The following PACSIN1 variants were observed in gnomAD, a reference collection of about 807,000 sequenced individuals.
PACSIN1 encodes protein kinase C and casein kinase substrate in neurons protein 1.
In PACSIN1, 15 loss-of-function variants were observed where a neutral mutation model predicts 59.5. The ratio of observed to expected loss-of-function variants is 0.25; its 90% confidence interval spans 0.17 to 0.39. The LOEUF (loss-of-function observed/expected upper bound fraction) is 0.39. Among genes scored for constraint, PACSIN1 ranks in the 10% least tolerant of loss-of-function variants. The pLI is 1.00. For synonymous variants in PACSIN1, 210 were observed against 220.6 expected (o/e 0.95, Z 0.42); for missense variants, 420 against 580.2 (o/e 0.72, Z 2.84).
rs755234240 is a variant in PACSIN1 at position 34,514,786 on chromosome 6, G to C, written c.-63-11457G>C. On this transcript the variant is annotated intron_variant, in intron 1 of 9. Transcript: ENST00000244458. The surrounding 1 kb of genome is among the most constrained non-coding windows in gnomAD (Gnocchi z 4.4). ...CATTGCCCAGTTGCCATAGAAACGA[G>C]CAGAAGGAGGTGGGTGGCTGGAGAA... The C allele has an allele frequency of 6.6e-6, 1 of 152,598 alleles. No homozygotes were observed. Among genetic ancestry groups the C allele is most frequent in the Non-Finnish European group, 1.5e-5 (1 of 68,182 alleles). The allele number at this position is 152,598 out of a possible 1,614,324, so 9.5% of individuals were successfully genotyped here.
intron 1 of PACSIN1, among the ~76,000 whole-genome samples, chr6:34,497,410 C>G (rs1766963696): frequency 6.6e-6 from 1 of 152,310 alleles, no homozygotes; most frequent in African/African-American, 2.4e-5. Flanking sequence ...GTGCTGCTAT[C>G]ATCCGCGGTT....
chr6:34,532,795 C>T lies in PACSIN1; in HGVS notation c.*265C>T. 1 of 399,940 alleles carries T rather than the reference C, an allele frequency of 2.5e-6. No individual in the cohort carries two copies. The highest frequency in any genetic ancestry group is 4.9e-5 in the East Asian group (1 of 20,520). 24.8% of individuals were successfully genotyped at this position (399,940 alleles called of 1,614,324 possible). A position where few individuals can be genotyped will look rare whatever the true frequency, so the allele number is the denominator to read the frequency against. On this transcript the variant is annotated 3_prime_UTR_variant, in exon 10 of 10. Transcript: ENST00000244458. The surrounding 1 kb of genome is among the most constrained non-coding windows in gnomAD (Gnocchi z 5.2). ...GCCCAACATCACAACATCTGCTCTT[C>T]GGGTTCCACCAAAGAGTCTCCTGAG...
At chr6:34,492,509 G>A (rs969913486) in intron 1 of PACSIN1, among the ~76,000 whole-genome samples, 3 of 151,946 alleles carry the variant, frequency 2.0e-5, no homozygotes, top group African/African-American at 2.4e-5. Context: ...TCAGCCTCCC[G>A]AGTAGCTGGG....
At chr6:34,528,915 G>GCCCGGGGGGGGGGGGGGGGGGC (rs2127274708) in intron 4 of PACSIN1, 38 bp downstream of exon 4, 67 of 653,112 alleles carry the variant, frequency 1.0e-4, no homozygotes, top group East Asian at 4.8e-4. Context: ...GGTGGGGTGG[G>GCCCGGGGGGGGGGGGGGGGGGC]CCCGTCTGAT....
rs370697380 is a variant in PACSIN1 at position 34,488,984 on chromosome 6, C to A, written c.-64+22714C>A. On this transcript the variant is annotated intron_variant, in intron 1 of 9. Transcript: ENST00000244458. The surrounding 1 kb of genome is among the most constrained non-coding windows in gnomAD (Gnocchi z 4.7). ...TCACTTGAGCCCAGAAGTTCGAGAC[C>A]AGCCTGGGCAACATGGTGAAACCCT... Among the ~76,000 whole-genome samples the A allele has an allele frequency of 2.0e-5, 3 of 152,020 alleles. No individual in the cohort carries two copies. The highest frequency in any genetic ancestry group is 3.9e-4 in the East Asian group (2 of 5,144).
At chr6:34,472,204 G>T (rs755989776) in intron 1 of PACSIN1, among the ~76,000 whole-genome samples, 1 of 148,310 alleles carries the variant, frequency 6.7e-6, no homozygotes, top group Non-Finnish European at 1.5e-5. Context: ...CCCAGGAGGC[G>T]GAGGTTGAAG....
chr6:34,497,490 T>A (rs1287863791), intron 1 of PACSIN1, among the ~76,000 whole-genome samples: 2 of 152,110 alleles, frequency 1.3e-5, no homozygotes, highest in African/African-American at 4.8e-5. Flanking sequence ...CTGCAACAAT[T>A]GGGAAGCTTC....
intron 1 of PACSIN1, among the ~76,000 whole-genome samples, chr6:34,490,972 CT>C (rs1766867909): frequency 6.6e-6 from 1 of 152,176 alleles, no homozygotes; most frequent in African/African-American, 2.4e-5. Context: ...GGGCCAGCCC[CT>C]GATCCTCTGC....
chr6:34,528,847 C>T lies in PACSIN1; in HGVS notation c.426C>T (p.Ala142=), dbSNP rs1266456695. The T allele has an allele frequency of 1.2e-6, 2 of 1,612,098 alleles. No homozygotes were observed. Among genetic ancestry groups the T allele is most frequent in the Non-Finnish European group, 1.7e-6 (2 of 1,179,660 alleles). The part of the protein sequence containing the change: ...TKEAEDGFRK[A]QKPWAKKMKE... ...AGGCTGAAGATGGCTTCCGCAAGGC[C>T]CAGAAGCCTTGGGCCAAGAAGATGA... is the stretch of plus-strand genomic sequence containing the variant. The change falls in exon 4 of 10, where the codon GCC becomes GCT. Residue 142 remains alanine, a synonymous_variant. Coordinates refer to ENST00000244458, the MANE Select transcript of PACSIN1 (RefSeq NM_020804.5).
At chr6:34,497,561 A>G (rs761791078) in intron 1 of PACSIN1, among the ~76,000 whole-genome samples, 1 of 152,122 alleles carries the variant, frequency 6.6e-6, no homozygotes, top group South Asian at 2.1e-4. Context: ...ATCCCCTCCA[A>G]GGGTGTGCGT....
In PACSIN1 at chr6:34,519,525, T is replaced by C. The variant is rs141895778; in HGVS notation, c.-63-6718T>C. On this transcript the variant is annotated intron_variant, in intron 1 of 9. Coordinates refer to ENST00000244458, the MANE Select transcript of PACSIN1 (RefSeq NM_020804.5). Reference sequence around the variant, plus strand: ...GAAGGTCCCAGGTGAGGCCCAACAGTCCTGGAAGGGCTCTGGGGGTATTAG... The same window carrying C: ...GAAGGTCCCAGGTGAGGCCCAACAGCCCTGGAAGGGCTCTGGGGGTATTAG... Among the ~76,000 whole-genome samples, 630 of 152,078 alleles carry C rather than the reference T, an allele frequency of 4.1e-3. 2 individuals carry two copies. The highest frequency in any genetic ancestry group is 7.1e-3 in the Non-Finnish European group (481 of 67,958).
chr6:34,527,550 T>C, intron 3 of PACSIN1, 62 bp downstream of exon 3: 4 of 1,437,540 alleles, frequency 2.8e-6, no homozygotes, highest in Non-Finnish European at 3.7e-6. Flanking sequence ...TAGGTCTGGG[T>C]CCTAGGAGCC....
rs1008974196 is a variant in PACSIN1 at position 34,489,461 on chromosome 6, C to T, written c.-64+23191C>T. Among the ~76,000 whole-genome samples, 42 of 152,194 alleles carry T rather than the reference C, an allele frequency of 2.8e-4. No individual in the cohort carries two copies. In the Middle Eastern group the frequency reaches 0.014, roughly 49 times the overall value. On this transcript the variant is annotated intron_variant, in intron 1 of 9. Coordinates refer to ENST00000244458, the MANE Select transcript of PACSIN1 (RefSeq NM_020804.5). ...GGGTGGTGCGGTGTATGGTGAGACC[C>T]GCAGGCCTCCACGTCGAAAACCCAC... is the stretch of plus-strand genomic sequence containing the variant.
At chr6:34,508,134 G>T (rs150362769) in intron 1 of PACSIN1, among the ~76,000 whole-genome samples, 1 of 152,074 alleles carries the variant, frequency 6.6e-6, no homozygotes, top group Non-Finnish European at 1.5e-5. Context: ...ACGGAGTTTC[G>T]CTCTTGTTGC....
intron 1 of PACSIN1, among the ~76,000 whole-genome samples, chr6:34,467,553 C>CTTTTTTT (rs61324041): frequency 1.8e-4 from 16 of 90,804 alleles, no homozygotes; most frequent in Admixed American, 4.4e-4. Context: ...TAGGCCCTTC[C>CTTTTTTT]TTTTTTTTTT....
chr6:34,531,494 T>C lies in PACSIN1; in HGVS notation c.1038-106T>C. 8.4e-7 allele frequency: 1 copy of C among 1,190,316 alleles called. No homozygotes were observed. The highest frequency in any genetic ancestry group is 1.2e-6 in the Non-Finnish European group (1 of 824,264). 73.7% of individuals were successfully genotyped at this position (1,190,316 alleles called of 1,614,324 possible). A position where few individuals can be genotyped will look rare whatever the true frequency, so the allele number is the denominator to read the frequency against. Reference sequence around the variant, plus strand: ...CCTCCTATGTGGCCAATCCTTGCTCTAGCCTTGGTAGAATTCGGGATCAGG... The same window carrying C: ...CCTCCTATGTGGCCAATCCTTGCTCCAGCCTTGGTAGAATTCGGGATCAGG... On this transcript the variant is annotated intron_variant, in intron 8 of 9. Transcript: ENST00000244458. The surrounding 1 kb of genome is among the most constrained non-coding windows in gnomAD (Gnocchi z 4.4).
chr6:34,515,855 C>T lies in PACSIN1; in HGVS notation c.-63-10388C>T, dbSNP rs1469559993. The stretch of plus-strand genomic sequence containing the variant: ...CGCTGCTGCTGGGGGAGCTCTTGGG[C>T]ACTGCCACTGCGGAGGAGCCTCTGC... On this transcript the variant is annotated intron_variant, in intron 1 of 9. Coordinates refer to ENST00000244458, the MANE Select transcript of PACSIN1 (RefSeq NM_020804.5). The surrounding 1 kb of genome is among the most constrained non-coding windows in gnomAD (Gnocchi z 4.4). Among the ~76,000 whole-genome samples the T allele has an allele frequency of 6.6e-6, 1 of 152,138 alleles. No individual in the cohort carries two copies. Among genetic ancestry groups the T allele is most frequent in the Admixed American group, 6.5e-5 (1 of 15,276 alleles).
chr6:34,493,286 T>C (rs1319754452), intron 1 of PACSIN1, among the ~76,000 whole-genome samples: 1 of 152,194 alleles, frequency 6.6e-6, no homozygotes, highest in African/African-American at 2.4e-5. Context: ...GGCATAACAT[T>C]GTACACAGTA....
In PACSIN1 at chr6:34,528,895, C is replaced by A; in HGVS notation, c.456+18C>A. 1 of 1,475,042 alleles carries A rather than the reference C, an allele frequency of 6.8e-7. No individual in the cohort carries two copies. Among genetic ancestry groups the A allele is most frequent in the Non-Finnish European group, 9.4e-7 (1 of 1,065,344 alleles). The allele number at this position is 1,475,042 out of a possible 1,614,324, so 91.4% of individuals were successfully genotyped here. On this transcript the variant is annotated intron_variant, in intron 4 of 9. Transcript: ENST00000244458. ...TGAAGGAGGTGCTCAGTGGGTGCTG[C>A]CACGGGCGGGGTGGGGTGGGCCCGT...
Sources: gnomAD v4.1 joint callset for allele counts (sites outside exome capture counted in the v4.1 genomes callset) on GRCh38, gnomAD v4.1.1 for gene constraint, Gnocchi (gnomAD v3.1) non-coding constraint, MANE v1.5 for transcripts, NCBI Gene and HGNC (gene_info 2026-07-23, HGNC 2026-07-21) for gene names.